The following MYO1D variants were observed in gnomAD, a reference collection of about 807,000 sequenced individuals.
MYO1D encodes the protein unconventional myosin-Id.
MYO1D carries 83 observed loss-of-function variants against 122.0 expected under a neutral mutation model. That is an observed-to-expected ratio of 0.68 (90% CI 0.57 to 0.82). The LOEUF is 0.82. MYO1D is among the 40% of genes least tolerant of loss of function. MYO1D has a pLI of 0.00. For synonymous variants in MYO1D, 464 were observed against 446.9 expected (o/e 1.04, Z -0.48); for missense variants, 1,157 against 1,269.5 (o/e 0.91, Z 1.35).
At chr17:32,617,861 AACAG>A (rs1411436453) in intron 20 of MYO1D, among the ~76,000 whole-genome samples, 1 of 152,242 alleles carries the variant, frequency 6.6e-6, no homozygotes, top group Non-Finnish European at 1.5e-5. Flanking sequence ...TTCCTTTATA[AACAG>A]ACAGTCACTT....
intron 20 of MYO1D, among the ~76,000 whole-genome samples, chr17:32,630,763 T>C (rs900706408): frequency 6.6e-6 from 1 of 152,084 alleles, no homozygotes; most frequent in African/African-American, 2.4e-5. Context: ...TTAGTAAAGA[T>C]GGGGTTTCAC....
intron 15 of MYO1D, among the ~76,000 whole-genome samples, chr17:32,714,892 G>T (rs1008907874): frequency 1.3e-5 from 2 of 151,812 alleles, no homozygotes; most frequent in South Asian, 2.1e-4. Context: ...GAATGGGAGA[G>T]AATTTTTGCA....
In MYO1D at chr17:32,761,791, C is replaced by T. The variant is rs1251589666; in HGVS notation, c.1036-1164G>A. Among the ~76,000 whole-genome samples the T allele has an allele frequency of 2.0e-5, 3 of 152,122 alleles. No individual in the cohort carries two copies. In the East Asian group the frequency reaches 5.8e-4, roughly 29 times the overall value. On this transcript the variant is annotated intron_variant, in intron 8 of 21. Transcript: ENST00000318217. ...CAAACTCAAAGGACTCTTGATCTTT[C>T]CTCTTCCAACAACTGTTCCTATCCT...
At chr17:32,675,740 G>A (rs2088798456) in intron 16 of MYO1D, among the ~76,000 whole-genome samples, 1 of 151,844 alleles carries the variant, frequency 6.6e-6, no homozygotes. Context: ...CCATCCTTTT[G>A]TCACTGGTGT....
At chr17:32,803,735 C>T (rs2090480983) in intron 1 of MYO1D, among the ~76,000 whole-genome samples, 1 of 152,086 alleles carries the variant, frequency 6.6e-6, no homozygotes, top group Non-Finnish European at 1.5e-5. Context: ...AATTCTCTTG[C>T]GAAGGAAGTG....
chr17:32,782,458 C>T (rs905021764), intron 1 of MYO1D, among the ~76,000 whole-genome samples: 11 of 152,280 alleles, frequency 7.2e-5, no homozygotes, highest in Admixed American at 5.9e-4. Context: ...GTAAAATGGT[C>T]ATAATTATAC....
intron 1 of MYO1D, among the ~76,000 whole-genome samples, chr17:32,791,288 G>C (rs1006653422): frequency 6.8e-6 from 1 of 147,456 alleles, no homozygotes; most frequent in African/African-American, 2.5e-5. Flanking sequence ...CGCTTGAACC[G>C]AGGAGGCAGA....
chr17:32,796,575 G>C (rs960989778), intron 1 of MYO1D, among the ~76,000 whole-genome samples: 11 of 152,228 alleles, frequency 7.2e-5, no homozygotes, highest in Admixed American at 5.9e-4. Flanking sequence ...ACCACATCCA[G>C]CTAATTTTTG....
At chr17:32,789,235 T>C (rs2151034937) in intron 1 of MYO1D, among the ~76,000 whole-genome samples, 1 of 152,340 alleles carries the variant, frequency 6.6e-6, no homozygotes, top group African/African-American at 2.4e-5. Flanking sequence ...AACTTCCTCT[T>C]TTCCAATTTG....
At chr17:32,759,923 GAA>G (rs2089982434) in intron 10 of MYO1D, 2 of 513,336 alleles carry the variant, frequency 3.9e-6, no homozygotes, top group Non-Finnish European at 6.8e-6. Context: ...GAAAAAGGAG[GAA>G]AAAGGGAAGA....
intron 16 of MYO1D, among the ~76,000 whole-genome samples, chr17:32,681,875 T>C (rs375246019): frequency 0.086 from 11,561 of 134,122 alleles, 897 homozygotes; most frequent in African/African-American, 0.27. Context: ...ATTATTAATG[T>C]GTGGGAGTCT....
At chr17:32,651,396 C>A (rs2088385595) in intron 19 of MYO1D, among the ~76,000 whole-genome samples, 1 of 152,208 alleles carries the variant, frequency 6.6e-6, no homozygotes, top group Admixed American at 6.5e-5. Flanking sequence ...TCTCTCCTCT[C>A]TGATACTCTG....
intron 15 of MYO1D, among the ~76,000 whole-genome samples, chr17:32,719,770 C>T (rs769446839): frequency 8.5e-5 from 13 of 152,154 alleles, no homozygotes; most frequent in African/African-American, 2.9e-4. Flanking sequence ...TTTTAAATCA[C>T]GCCTAGCCAA....
intron 16 of MYO1D, among the ~76,000 whole-genome samples, chr17:32,711,308 G>A (rs2089372860): frequency 6.6e-6 from 1 of 152,108 alleles, no homozygotes; most frequent in Non-Finnish European, 1.5e-5. Context: ...GGTGAAGGAG[G>A]CAATTTCAAA....
chr17:32,801,744 G>A (rs1204185221), intron 1 of MYO1D, among the ~76,000 whole-genome samples: 2 of 152,114 alleles, frequency 1.3e-5, no homozygotes, highest in Non-Finnish European at 2.9e-5. Context: ...AGCTCTGTTT[G>A]TAAGAGCAAT....
intron 16 of MYO1D, among the ~76,000 whole-genome samples, chr17:32,711,270 G>A (rs1317324215): frequency 1.3e-5 from 2 of 152,234 alleles, no homozygotes; most frequent in Non-Finnish European, 2.9e-5. Context: ...CAGCACTGAG[G>A]TCAAGTGGTG....
At chr17:32,608,590 T>C (rs1387162275) in intron 20 of MYO1D, among the ~76,000 whole-genome samples, 1 of 152,184 alleles carries the variant, frequency 6.6e-6, no homozygotes, top group African/African-American at 2.4e-5. Context: ...AAACAGTGGT[T>C]GTTAACTCAA....
intron 16 of MYO1D, among the ~76,000 whole-genome samples, chr17:32,695,791 T>A (rs762791429): frequency 1.3e-5 from 2 of 152,212 alleles, no homozygotes; most frequent in Non-Finnish European, 2.9e-5. Context: ...ACTGGTACAA[T>A]TATTTTGGAA....
At chr17:32,656,597 T>C (rs1320203124) in intron 17 of MYO1D, among the ~76,000 whole-genome samples, 1 of 152,126 alleles carries the variant, frequency 6.6e-6, no homozygotes, top group East Asian at 1.9e-4. Flanking sequence ...AGATAGTAGG[T>C]TGCCAAAGCA....
Sources: gnomAD v4.1 joint callset for allele counts (sites outside exome capture counted in the v4.1 genomes callset) on GRCh38, gnomAD v4.1.1 for gene constraint, MANE v1.5 for transcripts, NCBI Gene and HGNC (gene_info 2026-07-23, HGNC 2026-07-21) for gene names.